Variants in DIP2C observed in about 807,000 individuals in gnomAD.
The protein encoded by DIP2C is DIP2 acetate--CoA ligase C (putative).
Under a neutral mutation model 192.4 loss-of-function variants are expected in DIP2C, and 33 were observed. The ratio of observed to expected loss-of-function variants is 0.17; its 90% confidence interval spans 0.13 to 0.23. The LOEUF is 0.23. Among genes scored for constraint, DIP2C ranks in the 10% least tolerant of loss-of-function variants. DIP2C has a pLI of 1.00. For missense variants in DIP2C, 1,537 were observed against 2,110.1 expected, an observed-to-expected ratio of 0.73 and a Z score of 5.32; for synonymous variants, 979 against 864.1, an observed-to-expected ratio of 1.13 and a Z score of -2.33.
In DIP2C at chr10:348,754, G is replaced by C. The variant is rs567034919; in HGVS notation, c.3118C>G (p.Leu1040Val). 5.6e-6 allele frequency: 9 copies of C among 1,613,482 alleles called. No homozygotes were observed. The South Asian group carries it at 9.9e-5, about 18-fold the overall frequency. ...AGGCAACCATAAAACGCTGCTATCA[G>C]GTCTATTCCTACACAAGGAGAGAAA... is the stretch of plus-strand genomic sequence containing the variant. Reference protein sequence around the residue: ...VALVYPPGIDLIAAFYGCLYA... With the variant: ...VALVYPPGIDVIAAFYGCLYA... Residue 1040 changes from leucine to valine, a missense_variant, in exon 26 of 37, where the codon CTG becomes GTG. Leu to Val is a conservative substitution (Grantham distance 32). Transcript: ENST00000280886.
rs532036871 is a variant in DIP2C at position 446,228 on chromosome 10, TCA to T, written c.269-5234_269-5233del. On this transcript the variant is annotated intron_variant, in intron 3 of 36. Coordinates refer to ENST00000280886, the MANE Select transcript of DIP2C (RefSeq NM_014974.3). ...CTGTATACATCTGTTGTGAAAAGTCTCACAGTCCACTGGGCATCTGTATACAC... is the reference window on the plus strand; with the variant it reads ...CTGTATACATCTGTTGTGAAAAGTCTCAGTCCACTGGGCATCTGTATACAC... 2.3e-3 allele frequency among the ~76,000 whole-genome samples: 348 copies of T among 150,856 alleles called. 1 individual carries two copies. The highest frequency in any genetic ancestry group is 8.1e-3 in the African/African-American group (331 of 40,966).
chr10:592,231 CTG>C (rs1384569469), intron 1 of DIP2C, among the ~76,000 whole-genome samples: 3 of 152,128 alleles, frequency 2.0e-5, no homozygotes, highest in South Asian at 4.1e-4. Context: ...TCAGGTTCTG[CTG>C]TGTTTCAACT....
At chr10:568,760 C>T (rs182522374) in intron 1 of DIP2C, among the ~76,000 whole-genome samples, 8 of 58,072 alleles carry the variant, frequency 1.4e-4, no homozygotes, top group Admixed American at 1.1e-3. Flanking sequence ...AGGGAAACTC[C>T]GTCTCAAAAA....
At position 363,118 on chromosome 10, in the gene DIP2C, G is replaced by T. The variant is rs753779954; in HGVS notation, c.2592+79C>A. The T allele has an allele frequency of 1.5e-6, 2 of 1,314,766 alleles. No individual in the cohort carries two copies. The highest frequency in any genetic ancestry group is 2.1e-6 in the Non-Finnish European group (2 of 937,870). 81.4% of individuals were successfully genotyped at this position (1,314,766 alleles called of 1,614,324 possible). A position where few individuals can be genotyped will look rare whatever the true frequency, so the allele number is the denominator to read the frequency against. On this transcript the variant is annotated intron_variant, in intron 21 of 36. Transcript: ENST00000280886. The surrounding 1 kb of genome is among the most constrained non-coding windows in gnomAD (Gnocchi z 5.4). ...CACCCCATGGGCAAAGCAACAGCTG[G>T]TCACACCATGATCTGAATGAAGTAA...
At chr10:588,932 C>A (rs1050727282) in intron 1 of DIP2C, among the ~76,000 whole-genome samples, 4 of 152,212 alleles carry the variant, frequency 2.6e-5, no homozygotes, top group South Asian at 2.1e-4. Context: ...ACTGCTGAGC[C>A]GTCTGCACCA....
chr10:387,859 C>CA, intron 13 of DIP2C, 50 bp from the exon 14 acceptor site: 1 of 1,584,618 alleles, frequency 6.3e-7, no homozygotes, highest in Non-Finnish European at 8.7e-7. Flanking sequence ...AGGGCGGCAA[C>CA]AGATCAAAAT....
intron 1 of DIP2C, among the ~76,000 whole-genome samples, chr10:547,086 A>G (rs143948213): frequency 2.3e-4 from 35 of 152,196 alleles, no homozygotes; most frequent in African/African-American, 6.3e-4. Flanking sequence ...TAAGATAACC[A>G]TCAAATCCTC....
chr10:325,081 C>G lies in DIP2C; in HGVS notation c.3924+1925G>C. 6 of 410,266 alleles carry G rather than the reference C, an allele frequency of 1.5e-5. 1 individual carries two copies. The highest frequency in any genetic ancestry group is 1.1e-4 in the South Asian group (6 of 56,710). The allele number at this position is 410,266 out of a possible 1,614,324, so 25.4% of individuals were successfully genotyped here. A position where few individuals can be genotyped will look rare whatever the true frequency, so the allele number is the denominator to read the frequency against. Reference sequence around the variant, plus strand: ...GAGATCAAAACCATGCTGGCTAACACGGTGAAACCCCATCTCTACTAAAAA... The same window carrying G: ...GAGATCAAAACCATGCTGGCTAACAGGGTGAAACCCCATCTCTACTAAAAA... On this transcript the variant is annotated intron_variant, in intron 31 of 36. Coordinates refer to ENST00000280886, the MANE Select transcript of DIP2C (RefSeq NM_014974.3).
intron 1 of DIP2C, among the ~76,000 whole-genome samples, chr10:610,661 T>G (rs1299143705): frequency 6.6e-6 from 1 of 152,260 alleles, no homozygotes; most frequent in African/African-American, 2.4e-5. Flanking sequence ...TGTGGCTGTG[T>G]GTCCCCACCC....
At chr10:521,755 T>A (rs1246188949) in intron 1 of DIP2C, among the ~76,000 whole-genome samples, 1 of 152,196 alleles carries the variant, frequency 6.6e-6, no homozygotes, top group East Asian at 1.9e-4. Context: ...GCCAGCACTA[T>A]TTTTTGTTTG....
intron 1 of DIP2C, among the ~76,000 whole-genome samples, chr10:674,831 C>T (rs1434687239): frequency 2.1e-5 from 2 of 95,458 alleles, no homozygotes; most frequent in East Asian, 6.3e-4. Context: ...GAGAGAGAGA[C>T]CAACACAACA....
At position 546,259 on chromosome 10, in the gene DIP2C, G is replaced by T. The variant is rs536246455; in HGVS notation, c.86-59729C>A. ...GTCACGCCACTACACTCCAGCCTGG[G>T]TGACAGAGCAAGACTCTTAAAAAAA... is the stretch of plus-strand genomic sequence containing the variant. On this transcript the variant is annotated intron_variant, in intron 1 of 36. Coordinates refer to ENST00000280886, the MANE Select transcript of DIP2C (RefSeq NM_014974.3). Among the ~76,000 whole-genome samples, 9 of 140,650 alleles carry T rather than the reference G, an allele frequency of 6.4e-5. No homozygotes were observed. The East Asian group carries it at 1.8e-3, about 28-fold the overall frequency. The allele number at this position is 140,650 out of a possible 152,430, so 92.3% of individuals were successfully genotyped here.
intron 1 of DIP2C, among the ~76,000 whole-genome samples, chr10:492,107 C>T (rs1844490215): frequency 6.6e-6 from 1 of 152,238 alleles, no homozygotes; most frequent in Non-Finnish European, 1.5e-5. Flanking sequence ...ATGTCAACCA[C>T]CATCTAGGGA....
At position 670,224 on chromosome 10, in the gene DIP2C, G is replaced by A. The variant is rs376816472; in HGVS notation, c.85+19270C>T. Among the ~76,000 whole-genome samples the A allele has an allele frequency of 2.3e-3, 321 of 142,510 alleles. 1 individual carries two copies. The highest frequency in any genetic ancestry group is 8.6e-3 in the African/African-American group (283 of 32,722). The allele number at this position is 142,510 out of a possible 152,430, so 93.5% of individuals were successfully genotyped here. ...CACATGTATGCACACATACGCACAC[G>A]CATGCATGCACACGCATATGCACAC... is the stretch of plus-strand genomic sequence containing the variant. On this transcript the variant is annotated intron_variant, in intron 1 of 36. Coordinates refer to ENST00000280886, the MANE Select transcript of DIP2C (RefSeq NM_014974.3).
chr10:423,737 G>C (rs775359115), intron 4 of DIP2C, among the ~76,000 whole-genome samples: 2 of 151,948 alleles, frequency 1.3e-5, no homozygotes, highest in Non-Finnish European at 2.9e-5. Context: ...GTGTGTGTTA[G>C]ATACCCATAC....
At chr10:314,350 T>C (rs1956685730) in intron 31 of DIP2C, among the ~76,000 whole-genome samples, 1 of 152,200 alleles carries the variant, frequency 6.6e-6, no homozygotes, top group Non-Finnish European at 1.5e-5. Flanking sequence ...TCGTCCTCCC[T>C]TTCTAGCCAC....
intron 1 of DIP2C, among the ~76,000 whole-genome samples, chr10:525,595 G>A (rs1167932694): frequency 2.0e-5 from 3 of 152,202 alleles, no homozygotes; most frequent in African/African-American, 7.2e-5. Flanking sequence ...CAAGACTTCA[G>A]AATTTTCCTC....
intron 1 of DIP2C, chr10:630,842 G>C (rs918486297): frequency 6.6e-6 from 1 of 152,386 alleles, no homozygotes; most frequent in Admixed American, 6.5e-5. Flanking sequence ...CCTGCTGGCC[G>C]GCATCTCCCT....
rs1437407440 is a variant in DIP2C, at chr10:390,343, T to C, written c.1415A>G (p.Glu472Gly). 1 of 1,613,898 alleles carries C rather than the reference T, an allele frequency of 6.2e-7. No individual in the cohort carries two copies. The highest frequency in any genetic ancestry group is 1.1e-5 in the South Asian group (1 of 91,046). ...GGGCGGTTTGGAGAGATGTTTAGAC[T>C]CTGTGACAAACCACAGCAGCTTTGG... ...GWPKLLWFVTESKHLSKPPRD... is the reference protein window; with the variant it reads ...GWPKLLWFVTGSKHLSKPPRD... The change falls in exon 12 of 37, where the codon GAG (glutamate) becomes GGG (glycine). Residue 472 changes from glutamate (E) to glycine (G), a missense_variant. Glu to Gly is a moderately conservative substitution (Grantham distance 98). Around this residue, in one of 4 missense-constraint regions of DIP2C, gnomAD observed 677 missense variants for 989.9 expected, o/e 0.68. Transcript: ENST00000280886.
Sources: allele counts gnomAD v4.1 joint callset (sites outside exome capture counted in the v4.1 genomes callset), GRCh38; gene constraint gnomAD v4.1.1; regional missense constraint gnomAD v4.1.1; non-coding constraint Gnocchi (gnomAD v3.1); transcripts MANE v1.5; gene names NCBI Gene and HGNC (gene_info 2026-07-23, HGNC 2026-07-21).